The following GPHN variants were observed in gnomAD, a reference collection of about 807,000 sequenced individuals.
GPHN encodes the protein gephyrin.
GPHN carries 17 observed loss-of-function variants against 95.5 expected under a neutral mutation model. That is an observed-to-expected ratio of 0.18 (90% CI 0.12 to 0.27). The LOEUF is 0.27. Among genes scored for constraint, GPHN ranks in the 10% least tolerant of loss-of-function variants. The pLI, the probability that GPHN is intolerant of heterozygous loss-of-function variation, is 1.00. For synonymous variants in GPHN, 320 were observed against 322.5 expected (o/e 0.99, Z 0.08); for missense variants, 660 against 978.1 (o/e 0.67, Z 4.34).
rs113018358 is a variant in GPHN, at chr14:66,921,562, G to A, written c.457-1104G>A. On this transcript the variant is annotated intron_variant, in intron 6 of 22. Coordinates refer to ENST00000478722, the MANE Select transcript of GPHN (RefSeq NM_020806.5). ...AACACTGCTGAAAGCAATCATAGAC[G>A]ACACAAACAAATGTAAACATATCCC... Among the ~76,000 whole-genome samples the A allele has an allele frequency of 3.1e-3, 468 of 151,706 alleles. 10 individuals are homozygous for A. The highest frequency in any genetic ancestry group is 0.011 in the African/African-American group (443 of 41,360).
chr14:66,655,865 G>A (rs556889861), intron 1 of GPHN, among the ~76,000 whole-genome samples: 25 of 152,094 alleles, frequency 1.6e-4, no homozygotes, highest in African/African-American at 5.8e-4. Flanking sequence ...ATGTGATTGT[G>A]TTTCTTCAAA....
intron 11 of GPHN, among the ~76,000 whole-genome samples, chr14:67,083,818 G>A (rs2076784991): frequency 6.6e-6 from 1 of 152,100 alleles, no homozygotes; most frequent in South Asian, 2.1e-4. Context: ...TAGAGAGGGG[G>A]TACAGCTTCA....
the GPHN span, among the ~76,000 whole-genome samples, chr14:67,386,730 G>T: frequency 6.6e-6 from 1 of 151,994 alleles, no homozygotes; most frequent in Non-Finnish European, 1.5e-5. Flanking sequence ...TGTATTTTTC[G>T]TATACGTGAT....
the GPHN span, among the ~76,000 whole-genome samples, chr14:67,661,861 A>G: frequency 2.0e-5 from 3 of 152,228 alleles, no homozygotes; most frequent in East Asian, 5.8e-4. Context: ...CCAGCTCTTA[A>G]AAACAGATTT....
intron 1 of GPHN, among the ~76,000 whole-genome samples, chr14:66,577,118 G>C (rs992115584): frequency 3.9e-5 from 6 of 152,114 alleles, no homozygotes; most frequent in Admixed American, 3.9e-4. Flanking sequence ...TGATTTAGTA[G>C]GTCTAAAGGT....
In GPHN at chr14:66,923,392, G is replaced by A. The variant is rs182352444; in HGVS notation, c.729+454G>A. Among the ~76,000 whole-genome samples the A allele has an allele frequency of 1.4e-3, 215 of 152,004 alleles. 1 individual carries two copies. Among genetic ancestry groups the A allele is most frequent in the African/African-American group, 5.0e-3 (207 of 41,330 alleles). On this transcript the variant is annotated intron_variant, in intron 7 of 22. Coordinates refer to ENST00000478722, the MANE Select transcript of GPHN (RefSeq NM_020806.5). The stretch of plus-strand genomic sequence containing the variant: ...TTTTAAAGGGACAAAGCTTTTCAGC[G>A]ATTGTTGAATTTTTCTTAACTAATA...
At chr14:67,642,788 A>ATTTTTTTTT in the GPHN span, among the ~76,000 whole-genome samples, 2 of 33,734 alleles carry the variant, frequency 5.9e-5, no homozygotes, top group South Asian at 1.0e-3. Flanking sequence ...ATGTTACTAC[A>ATTTTTTTTT]TTTTCTTTTT....
At chr14:67,015,196 C>T (rs553057753) in intron 9 of GPHN, among the ~76,000 whole-genome samples, 5 of 152,216 alleles carry the variant, frequency 3.3e-5, no homozygotes, top group Middle Eastern at 3.4e-3. Context: ...GACACACTTC[C>T]GACTTCTTTA....
chr14:67,591,195 T>A, the GPHN span, among the ~76,000 whole-genome samples: 1 of 152,142 alleles, frequency 6.6e-6, no homozygotes, highest in East Asian at 1.9e-4. Flanking sequence ...CAAGGAAATA[T>A]GAAAAGCCTA....
chr14:67,244,192 T>C, the GPHN span, among the ~76,000 whole-genome samples: 1 of 152,250 alleles, frequency 6.6e-6, no homozygotes, highest in East Asian at 1.9e-4. Context: ...TTTCAAACAA[T>C]GTTTAATGAA....
At chr14:67,306,175 G>A in the GPHN span, among the ~76,000 whole-genome samples, 3 of 152,080 alleles carry the variant, frequency 2.0e-5, no homozygotes, top group South Asian at 4.2e-4. Flanking sequence ...TCACTATGTT[G>A]GCCATGCTGG....
At chr14:67,594,099 G>A in the GPHN span, 6 of 614,744 alleles carry the variant, frequency 9.8e-6, no homozygotes, top group Non-Finnish European at 1.7e-5. Flanking sequence ...AACAGATCCA[G>A]ACAACAAATG....
chr14:66,851,741 A>G (rs2062593127), intron 4 of GPHN, among the ~76,000 whole-genome samples: 2 of 152,100 alleles, frequency 1.3e-5, no homozygotes, highest in Admixed American at 1.3e-4. Flanking sequence ...TTTTTCTATT[A>G]AGAAATGAGA....
intron 9 of GPHN, among the ~76,000 whole-genome samples, chr14:67,018,092 G>A (rs2073410200): frequency 1.3e-5 from 2 of 151,918 alleles, no homozygotes; most frequent in Admixed American, 1.3e-4. Flanking sequence ...ATCAGTAATT[G>A]GAATATGAGT....
rs557797604 is a variant in GPHN, at chr14:67,147,271, C to G, written c.1836+3822C>G. 1.1e-4 allele frequency among the ~76,000 whole-genome samples: 17 copies of G among 152,230 alleles called. No homozygotes were observed. In the South Asian group the frequency reaches 3.5e-3, roughly 32 times the overall value. ...TATCTCAATAGCAATGTTAAAGTGC[C>G]TATTACTCTCCTTTTCCCTAATGCT... On this transcript the variant is annotated intron_variant, in intron 18 of 22. Transcript: ENST00000478722.
At chr14:66,580,541 A>T (rs1220054187) in intron 1 of GPHN, among the ~76,000 whole-genome samples, 2 of 151,870 alleles carry the variant, frequency 1.3e-5, no homozygotes, top group African/African-American at 4.8e-5. Context: ...ATGAAGGATC[A>T]TAAGAGACAA....
chr14:67,311,570 C>T, the GPHN span, among the ~76,000 whole-genome samples: 1 of 152,100 alleles, frequency 6.6e-6, no homozygotes, highest in Non-Finnish European at 1.5e-5. Context: ...AAAAATTAGA[C>T]ATGGGGAAAT....
the GPHN span, among the ~76,000 whole-genome samples, chr14:67,206,766 C>G: frequency 1.4e-4 from 21 of 151,702 alleles, no homozygotes; most frequent in African/African-American, 5.1e-4. Context: ...AGTCTCACTC[C>G]GTTGCCCAGG....
intron 10 of GPHN, among the ~76,000 whole-genome samples, chr14:67,038,581 C>T (rs2074544163): frequency 6.6e-6 from 1 of 152,046 alleles, no homozygotes; most frequent in African/African-American, 2.4e-5. Context: ...TGTTACCATT[C>T]TATGTGTAAC....
Sources: allele counts gnomAD v4.1 joint callset (sites outside exome capture counted in the v4.1 genomes callset), GRCh38; gene constraint gnomAD v4.1.1; transcripts MANE v1.5; gene names NCBI Gene and HGNC (gene_info 2026-07-23, HGNC 2026-07-21).